PKIA: variants seen among roughly 807,000 people sequenced by gnomAD.
PKIA encodes the protein cAMP-dependent protein kinase inhibitor alpha, also known as PKI-alpha.
In PKIA, 4 loss-of-function variants were observed where a neutral mutation model predicts 7.6. The observed-to-expected ratio is 0.52, with a 90% CI of 0.26 to 1.20. The LOEUF is 1.20. Ranked by LOEUF, PKIA falls within the 50% of genes most tolerant of loss-of-function variation. PKIA has a pLI of 0.13. For synonymous variants in PKIA, 21 were observed against 30.7 expected (o/e 0.68, Z 1.04); for missense variants, 73 against 86.2 (o/e 0.85, Z 0.61).
intron 1 of PKIA, chr8:78,535,147 C>A (rs2118378532): frequency 6.6e-6 from 1 of 152,148 alleles, no homozygotes; most frequent in African/African-American, 2.4e-5. Flanking sequence ...GTAGGTCATC[C>A]TAATGAGGAA....
At chr8:78,567,422 C>G (rs1333982717) in intron 1 of PKIA, among the ~76,000 whole-genome samples, 3 of 151,952 alleles carry the variant, frequency 2.0e-5, no homozygotes, top group Admixed American at 1.3e-4. Flanking sequence ...TTGGATAATA[C>G]TGGACAGGTA....
Position 78,601,845 on chromosome 8 carries a change from C to T in PKIA, c.*24C>T. 3.9e-6 allele frequency: 6 copies of T among 1,551,438 alleles called. No individual in the cohort carries two copies. The African/African-American group carries it at 5.4e-5, about 14-fold the overall frequency. Reference sequence around the variant, plus strand: ...AACACCCCACTTTGACCCTCGACCACACCTGAAAATGTCTCAAATCTCCAG... The same window carrying T: ...AACACCCCACTTTGACCCTCGACCATACCTGAAAATGTCTCAAATCTCCAG... On this transcript the variant is annotated 3_prime_UTR_variant, in exon 4 of 4. Transcript: ENST00000396418.
chr8:78,557,758 G>C (rs1405169738), intron 1 of PKIA, among the ~76,000 whole-genome samples: 5 of 152,312 alleles, frequency 3.3e-5, no homozygotes, highest in Admixed American at 3.3e-4. Context: ...GGACAGCTAT[G>C]TCAGGAACTT....
chr8:78,579,268 A>T (rs1351088608), intron 2 of PKIA, among the ~76,000 whole-genome samples: 1 of 152,026 alleles, frequency 6.6e-6, no homozygotes, highest in East Asian at 1.9e-4. Context: ...TAACAAGTAC[A>T]ATAGCCAGAA....
intron 2 of PKIA, among the ~76,000 whole-genome samples, chr8:78,579,108 C>T (rs1055333085): frequency 3.3e-5 from 5 of 152,004 alleles, no homozygotes; most frequent in African/African-American, 1.2e-4. Flanking sequence ...AAACTCTTTC[C>T]ACCTCTAACT....
intron 2 of PKIA, among the ~76,000 whole-genome samples, chr8:78,576,565 T>A (rs1807677647): frequency 6.6e-6 from 1 of 151,996 alleles, no homozygotes; most frequent in Non-Finnish European, 1.5e-5. Context: ...CCACGTGTTT[T>A]TTTGAAAAAA....
intron 2 of PKIA, among the ~76,000 whole-genome samples, chr8:78,587,102 GA>G (rs1194847812): frequency 2.0e-5 from 3 of 152,038 alleles, no homozygotes; most frequent in Non-Finnish European, 2.9e-5. Flanking sequence ...TTTTAAAGAT[GA>G]AAAAGTTAAT....
Position 78,570,897 on chromosome 8 carries a change from T to C in PKIA, c.-156-1914T>C, listed in dbSNP as rs745508521. 3.9e-5 allele frequency among the ~76,000 whole-genome samples: 6 copies of C among 152,294 alleles called. No homozygotes were observed. In the South Asian group the frequency reaches 6.2e-4, roughly 16 times the overall value. ...CATCCATCTCCAGTATTGCCTTCTA[T>C]AGGAAGACCTGCTAATATTTCTCAC... is the stretch of plus-strand genomic sequence containing the variant. On this transcript the variant is annotated intron_variant, in intron 1 of 3. Transcript: ENST00000396418.
At chr8:78,544,355 AC>A (rs1355545800) in intron 1 of PKIA, among the ~76,000 whole-genome samples, 1 of 151,954 alleles carries the variant, frequency 6.6e-6, no homozygotes, top group Middle Eastern at 3.2e-3. Context: ...TTTCCTCCAT[AC>A]TTCACCTGCC....
chr8:78,545,893 C>T (rs1296577196), intron 1 of PKIA, among the ~76,000 whole-genome samples: 1 of 152,122 alleles, frequency 6.6e-6, no homozygotes, highest in Non-Finnish European at 1.5e-5. Context: ...ATTTATTAAG[C>T]TGAATTGTCA....
rs577723126 is a variant in PKIA, at chr8:78,552,622, C to T, written c.-156-20189C>T. The stretch of plus-strand genomic sequence containing the variant: ...ATCAGGCACCCTTAACAGGAACATG[C>T]ATGGGAACAATGGTGAAACATAATT... On this transcript the variant is annotated intron_variant, in intron 1 of 3. Transcript: ENST00000396418. 8.5e-5 allele frequency among the ~76,000 whole-genome samples: 13 copies of T among 152,094 alleles called. No individual in the cohort carries two copies. In the South Asian group the frequency reaches 2.7e-3, roughly 32 times the overall value.
intron 1 of PKIA, among the ~76,000 whole-genome samples, chr8:78,529,725 G>C (rs1806348040): frequency 6.6e-6 from 1 of 151,898 alleles, no homozygotes; most frequent in Non-Finnish European, 1.5e-5. Flanking sequence ...AAGATTCTTA[G>C]AGTAGAAAAT....
intron 3 of PKIA, among the ~76,000 whole-genome samples, chr8:78,599,586 A>G (rs1322830509): frequency 6.6e-6 from 1 of 152,060 alleles, no homozygotes; most frequent in Non-Finnish European, 1.5e-5. Flanking sequence ...AAACTTTAAC[A>G]TCACCACTTT....
At chr8:78,564,297 G>T (rs1807355606) in intron 1 of PKIA, among the ~76,000 whole-genome samples, 1 of 151,978 alleles carries the variant, frequency 6.6e-6, no homozygotes, top group Admixed American at 6.6e-5. Context: ...TAATTTATTG[G>T]AATACAGATG....
Position 78,595,309 on chromosome 8 carries a change from G to C in PKIA, c.-27-3049G>C, listed in dbSNP as rs139009177. 4.0e-3 allele frequency among the ~76,000 whole-genome samples: 604 copies of C among 152,262 alleles called. 1 individual carries two copies. Among genetic ancestry groups the C allele is most frequent in the African/African-American group, 0.014 (579 of 41,556 alleles). The stretch of plus-strand genomic sequence containing the variant: ...ATTCAAGGAATTAAAGACAGCATCA[G>C]TATAAAGAATTGGTTCATTGAGTAT... On this transcript the variant is annotated intron_variant, in intron 2 of 3. Transcript: ENST00000396418.
chr8:78,590,646 A>ATTT (rs536599170), intron 2 of PKIA, among the ~76,000 whole-genome samples: 107 of 147,018 alleles, frequency 7.3e-4, no homozygotes, highest in African/African-American at 2.0e-3. Context: ...ACTTGTCACT[A>ATTT]TTTTTTTTTT....
chr8:78,576,893 G>T (rs1199400881), intron 2 of PKIA, among the ~76,000 whole-genome samples: 1 of 151,962 alleles, frequency 6.6e-6, no homozygotes, highest in African/African-American at 2.4e-5. Context: ...AATGTTCTTT[G>T]CAGCACCATT....
intron 2 of PKIA, among the ~76,000 whole-genome samples, chr8:78,590,616 C>T (rs535651675): frequency 6.6e-6 from 1 of 150,904 alleles, no homozygotes; most frequent in East Asian, 1.9e-4. Flanking sequence ...CAGAGAGTTG[C>T]AAATGTAAAT....
intron 2 of PKIA, among the ~76,000 whole-genome samples, chr8:78,587,082 CT>C (rs1417237443): frequency 3.3e-5 from 5 of 151,950 alleles, no homozygotes; most frequent in African/African-American, 1.2e-4. Context: ...TGATTGGATC[CT>C]TTTTTTGATT....
Sources: allele counts gnomAD v4.1 joint callset (sites outside exome capture counted in the v4.1 genomes callset), GRCh38; gene constraint gnomAD v4.1.1; transcripts MANE v1.5; gene names NCBI Gene and HGNC (gene_info 2026-07-23, HGNC 2026-07-21).